The following CAMK1D variants were observed in gnomAD, a reference collection of about 807,000 sequenced individuals.
CAMK1D encodes calcium/calmodulin-dependent protein kinase type 1D.
In CAMK1D, 9 loss-of-function variants were observed where a neutral mutation model predicts 47.7. That is an observed-to-expected ratio of 0.19 (90% CI 0.11 to 0.33). CAMK1D has a LOEUF of 0.33. Among genes scored for constraint, CAMK1D ranks in the 10% least tolerant of loss-of-function variants. CAMK1D has a pLI of 1.00. For synonymous variants in CAMK1D, 184 were observed against 184.9 expected, an observed-to-expected ratio of 0.99 and a Z score of 0.04; for missense variants, 291 against 488.7, an observed-to-expected ratio of 0.60 and a Z score of 3.81.
At chr10:12,743,456 CT>C (rs1384909567) in intron 3 of CAMK1D, among the ~76,000 whole-genome samples, 1 of 152,030 alleles carries the variant, frequency 6.6e-6, no homozygotes, top group Non-Finnish European at 1.5e-5. Flanking sequence ...CACATTTCTG[CT>C]CCTGTTGATG....
chr10:12,668,743 T>C (rs1840512761), intron 3 of CAMK1D, among the ~76,000 whole-genome samples: 1 of 152,058 alleles, frequency 6.6e-6, no homozygotes. Context: ...CAACTTGGGG[T>C]TGTATACTAC....
At chr10:12,363,237 G>A (rs575948465) in intron 1 of CAMK1D, among the ~76,000 whole-genome samples, 3 of 151,510 alleles carry the variant, frequency 2.0e-5, no homozygotes, top group Admixed American at 6.6e-5. Flanking sequence ...CACCGCACCC[G>A]GCCTGTTTTT....
intron 1 of CAMK1D, among the ~76,000 whole-genome samples, chr10:12,428,207 G>A (rs1432745765): frequency 1.3e-5 from 2 of 152,086 alleles, no homozygotes; most frequent in South Asian, 2.1e-4. Flanking sequence ...GGTGTGTGAT[G>A]TTCCCCTCCC....
At chr10:12,787,036 T>C (rs1371183060) in intron 5 of CAMK1D, among the ~76,000 whole-genome samples, 1 of 152,146 alleles carries the variant, frequency 6.6e-6, no homozygotes, top group Non-Finnish European at 1.5e-5. Flanking sequence ...GGTGGGAGAA[T>C]TGCTGGAACC....
intron 1 of CAMK1D, among the ~76,000 whole-genome samples, chr10:12,434,400 G>A (rs1388166196): frequency 6.6e-6 from 1 of 152,230 alleles, no homozygotes; most frequent in Admixed American, 6.5e-5. Context: ...AAGGGGTCTG[G>A]CGCTGAGCCT....
At chr10:12,647,861 T>A (rs1002400496) in intron 2 of CAMK1D, among the ~76,000 whole-genome samples, 3 of 152,228 alleles carry the variant, frequency 2.0e-5, no homozygotes, top group Admixed American at 1.3e-4. Context: ...CCATATGGAC[T>A]GCTTCCTGGG....
chr10:12,781,140 G>GT lies in CAMK1D; in HGVS notation c.566-10014dup, dbSNP rs544152847. Among the ~76,000 whole-genome samples the GT allele has an allele frequency of 8.5e-5, 13 of 152,302 alleles. No homozygotes were observed. In the South Asian group the frequency reaches 2.7e-3, roughly 32 times the overall value. On this transcript the variant is annotated intron_variant, in intron 5 of 10. Transcript: ENST00000619168. Reference sequence around the variant, plus strand: ...ATACTTGATGTGGGAGGGAGGTCACGTTTTGTCGTGGTGGGAAAGAGGGGG... The same window carrying GT: ...ATACTTGATGTGGGAGGGAGGTCACGTTTTTGTCGTGGTGGGAAAGAGGGGG...
At chr10:12,694,958 ATAAG>A (rs1424306029) in intron 3 of CAMK1D, among the ~76,000 whole-genome samples, 4 of 152,278 alleles carry the variant, frequency 2.6e-5, no homozygotes, top group South Asian at 2.1e-4. Context: ...GGTATAAAAA[ATAAG>A]TAAGTAAATA....
intron 1 of CAMK1D, among the ~76,000 whole-genome samples, chr10:12,472,580 A>G (rs537254237): frequency 1.8e-4 from 28 of 152,098 alleles, no homozygotes; most frequent in Non-Finnish European, 3.1e-4. Flanking sequence ...GCTGGAGTGC[A>G]GTGACATGAT....
intron 3 of CAMK1D, among the ~76,000 whole-genome samples, chr10:12,716,089 C>T (rs75457940): frequency 0.045 from 6,809 of 152,082 alleles, 310 homozygotes; most frequent in African/African-American, 0.11. Context: ...AAGCATCTAT[C>T]GTCAAGTTCT....
chr10:12,657,951 G>A (rs1281347884), intron 2 of CAMK1D, among the ~76,000 whole-genome samples: 1 of 152,124 alleles, frequency 6.6e-6, no homozygotes, highest in Non-Finnish European at 1.5e-5. Context: ...AGGAGTTCGA[G>A]ACAGCCTGAC....
At chr10:12,584,255 A>G (rs45538831) in intron 2 of CAMK1D, among the ~76,000 whole-genome samples, 8,598 of 152,274 alleles carry the variant, frequency 0.056, 326 homozygotes, top group East Asian at 0.15. Context: ...ATTAAGGATA[A>G]GTAAAATGTG....
chr10:12,570,243 A>T (rs1837280706), intron 2 of CAMK1D, among the ~76,000 whole-genome samples: 1 of 152,168 alleles, frequency 6.6e-6, no homozygotes, highest in Non-Finnish European at 1.5e-5. Context: ...ACTTGTAAAT[A>T]GTTTAGATTT....
chr10:12,721,570 C>T (rs1240815327), intron 3 of CAMK1D, among the ~76,000 whole-genome samples: 2 of 151,988 alleles, frequency 1.3e-5, no homozygotes, highest in East Asian at 3.9e-4. Context: ...AAAATATTTA[C>T]TGAGCAGCTA....
intron 1 of CAMK1D, among the ~76,000 whole-genome samples, chr10:12,397,214 C>G (rs1483214097): frequency 6.6e-6 from 1 of 152,078 alleles, no homozygotes; most frequent in Non-Finnish European, 1.5e-5. Flanking sequence ...CCATCATGTG[C>G]CTGTTTTTAA....
chr10:12,506,126 A>G (rs1458819160), intron 1 of CAMK1D, among the ~76,000 whole-genome samples: 1 of 152,160 alleles, frequency 6.6e-6, no homozygotes. Flanking sequence ...ATCAGAGAAG[A>G]TAATGGATGA....
rs1367437094 is a variant in CAMK1D, at chr10:12,829,348, A to G, written c.*461A>G. 6.5e-6 allele frequency: 1 copy of G among 152,982 alleles called. No homozygotes were observed. The highest frequency in any genetic ancestry group is 1.5e-5 in the Non-Finnish European group (1 of 68,314). 9.5% of individuals were successfully genotyped at this position (152,982 alleles called of 1,614,324 possible). A position where few individuals can be genotyped will look rare whatever the true frequency, so the allele number is the denominator to read the frequency against. On this transcript the variant is annotated 3_prime_UTR_variant, in exon 11 of 11. Coordinates refer to ENST00000619168, the MANE Select transcript of CAMK1D (RefSeq NM_153498.4). Reference sequence around the variant, plus strand: ...TTTGTATCTCTAAGTTACATGACCTATATCTTTTCCTCTTTAATAGTAGTT... The same window carrying G: ...TTTGTATCTCTAAGTTACATGACCTGTATCTTTTCCTCTTTAATAGTAGTT...
chr10:12,685,036 G>A (rs1433474795), intron 3 of CAMK1D, among the ~76,000 whole-genome samples: 4 of 152,214 alleles, frequency 2.6e-5, no homozygotes, highest in South Asian at 2.1e-4. Context: ...CTGGCTGGGC[G>A]CGGTGGCTCA....
intron 3 of CAMK1D, among the ~76,000 whole-genome samples, chr10:12,691,152 T>C (rs978211414): frequency 6.6e-6 from 1 of 151,860 alleles, no homozygotes; most frequent in African/African-American, 2.4e-5. Context: ...CTCAACTTAC[T>C]GAAGACTGAC....
Sources: gnomAD v4.1 joint callset for allele counts (sites outside exome capture counted in the v4.1 genomes callset) on GRCh38, gnomAD v4.1.1 for gene constraint, MANE v1.5 for transcripts, NCBI Gene and HGNC (gene_info 2026-07-23, HGNC 2026-07-21) for gene names.